Variants in ADGRL3 observed in about 807,000 individuals in gnomAD.
ADGRL3 encodes calcium-independent alpha-latrotoxin receptor 3.
In ADGRL3, 62 loss-of-function variants were observed where a neutral mutation model predicts 153.5. The observed-to-expected ratio is 0.40, with a 90% CI of 0.33 to 0.50. ADGRL3 has a LOEUF of 0.50. Among genes scored for constraint, ADGRL3 ranks in the 20% least tolerant of loss-of-function variants. The probability of loss-of-function intolerance (pLI) is 0.47; values close to 1 mark genes in which losing one functional copy is unlikely to be tolerated. For missense variants in ADGRL3, 1,641 were observed against 1,859.4 expected, an observed-to-expected ratio of 0.88 and a Z score of 2.16; for synonymous variants, 710 against 672.5, an observed-to-expected ratio of 1.06 and a Z score of -0.86.
intron 25 of ADGRL3, chr4:62,063,454 C>A: frequency 1.6e-6 from 1 of 627,714 alleles, no homozygotes; most frequent in Non-Finnish European, 2.9e-6. Flanking sequence ...AACACATTTG[C>A]CTGATTGACC....
At chr4:61,737,413 T>C (rs181055451) in intron 8 of ADGRL3, among the ~76,000 whole-genome samples, 39 of 152,298 alleles carry the variant, frequency 2.6e-4, no homozygotes, top group Admixed American at 2.5e-3. Context: ...AAAGATCCTC[T>C]GGTGACACTT....
At chr4:61,846,948 ATG>A (rs72301670) in intron 9 of ADGRL3, among the ~76,000 whole-genome samples, 42,842 of 145,662 alleles carry the variant, frequency 0.29, 6,423 homozygotes, top group Non-Finnish European at 0.36. Context: ...TTTATATATT[ATG>A]TGTGTGTGTG....
chr4:61,919,369 T>C (rs1490294262), intron 13 of ADGRL3, among the ~76,000 whole-genome samples: 1 of 152,184 alleles, frequency 6.6e-6, no homozygotes. Flanking sequence ...GAACTTAATA[T>C]ATTTCACAGC....
chr4:62,020,387 A>G (rs944594180), intron 21 of ADGRL3, among the ~76,000 whole-genome samples: 1 of 152,126 alleles, frequency 6.6e-6, no homozygotes, highest in Admixed American at 6.6e-5. Flanking sequence ...TCAGCCCCAC[A>G]GTTATAGGTT....
At chr4:61,959,257 T>C (rs2098979061) in intron 17 of ADGRL3, among the ~76,000 whole-genome samples, 1 of 152,196 alleles carries the variant, frequency 6.6e-6, no homozygotes, top group South Asian at 2.1e-4. Flanking sequence ...TACTGTGGTT[T>C]TGTAGAGCAC....
At chr4:61,661,749 T>G in intron 5 of ADGRL3, among the ~76,000 whole-genome samples, 1 of 152,180 alleles carries the variant, frequency 6.6e-6, no homozygotes, top group East Asian at 1.9e-4. Context: ...TCATACTTTA[T>G]ATTTCATATT....
intron 1 of ADGRL3, among the ~76,000 whole-genome samples, chr4:61,285,622 C>A (rs1376928766): frequency 6.6e-6 from 1 of 151,846 alleles, no homozygotes; most frequent in Non-Finnish European, 1.5e-5. Flanking sequence ...CATGTGTATT[C>A]TAACCTCACT....
intron 15 of ADGRL3, among the ~76,000 whole-genome samples, chr4:61,945,641 C>T (rs2150276446): frequency 1.4e-5 from 2 of 140,304 alleles, no homozygotes; most frequent in Admixed American, 1.5e-4. Flanking sequence ...TCTCGTGGTG[C>T]GCCGTTTCTT....
At chr4:61,623,272 T>C (rs891863196) in intron 5 of ADGRL3, among the ~76,000 whole-genome samples, 1 of 152,108 alleles carries the variant, frequency 6.6e-6, no homozygotes, top group Non-Finnish European at 1.5e-5. Context: ...CCGTACACAC[T>C]GTCCTGATAA....
At position 61,844,575 on chromosome 4, in the gene ADGRL3, A is replaced by AATATATATATATAT. The variant is rs57750929; in HGVS notation, c.1480+30695_1480+30708dup. ...AAAAAAAAAAAAAAAAAAAAAAAAA[A>AATATATATATATAT]ATATATATATATATATATATATTTA... On this transcript the variant is annotated intron_variant, in intron 9 of 26. Coordinates refer to ENST00000683033, the MANE Select transcript of ADGRL3 (RefSeq NM_001387552.1). 7.2e-3 allele frequency among the ~76,000 whole-genome samples: 131 copies of AATATATATATATAT among 18,084 alleles called. 5 individuals are homozygous for AATATATATATATAT. The highest frequency in any genetic ancestry group is 0.039 in the East Asian group (11 of 280). 11.9% of individuals were successfully genotyped at this position (18,084 alleles called of 152,430 possible).
chr4:61,763,446 G>A (rs1225206902), intron 8 of ADGRL3, among the ~76,000 whole-genome samples: 1 of 151,734 alleles, frequency 6.6e-6, no homozygotes, highest in Non-Finnish European at 1.5e-5. Flanking sequence ...AGCCCTCAAA[G>A]TAAGCAACAT....
At chr4:61,226,346 G>T (rs1747960089) in intron 1 of ADGRL3, among the ~76,000 whole-genome samples, 1 of 152,098 alleles carries the variant, frequency 6.6e-6, no homozygotes, top group African/African-American at 2.4e-5. Flanking sequence ...TTTAGGATTT[G>T]TAACAGCAAA....
At chr4:61,867,540 A>ATATATAT (rs201200813) in intron 9 of ADGRL3, among the ~76,000 whole-genome samples, 12 of 132,092 alleles carry the variant, frequency 9.1e-5, no homozygotes, top group Non-Finnish European at 1.3e-4. Flanking sequence ...ATATATATAT[A>ATATATAT]ATTGTAGGAG....
chr4:62,055,755 G>A (rs1452751988), intron 25 of ADGRL3, among the ~76,000 whole-genome samples: 1 of 151,310 alleles, frequency 6.6e-6, no homozygotes, highest in Non-Finnish European at 1.5e-5. Context: ...ACTAATCATT[G>A]TTTGTACTTT....
chr4:61,755,406 A>G (rs981783603), intron 8 of ADGRL3, among the ~76,000 whole-genome samples: 2 of 152,236 alleles, frequency 1.3e-5, no homozygotes, highest in Admixed American at 6.5e-5. Flanking sequence ...TTTCGGCTAC[A>G]TAAATGTCTT....
chr4:61,788,077 G>A (rs2097298421), intron 8 of ADGRL3, among the ~76,000 whole-genome samples: 1 of 152,104 alleles, frequency 6.6e-6, no homozygotes, highest in East Asian at 1.9e-4. Context: ...TTGCAATTGG[G>A]AATTGTGCTG....
At chr4:61,666,721 A>G (rs2094811277) in intron 5 of ADGRL3, among the ~76,000 whole-genome samples, 1 of 152,272 alleles carries the variant, frequency 6.6e-6, no homozygotes, top group South Asian at 2.1e-4. Flanking sequence ...GCTCCCTTAT[A>G]TTAGGTGAAA....
chr4:61,470,294 A>T (rs1039457205), intron 2 of ADGRL3, among the ~76,000 whole-genome samples: 1 of 151,858 alleles, frequency 6.6e-6, no homozygotes, highest in African/African-American at 2.4e-5. Context: ...AAATGCCTTG[A>T]CTCATTCCAG....
chr4:61,690,177 G>A (rs2095514299), intron 6 of ADGRL3, among the ~76,000 whole-genome samples: 1 of 152,112 alleles, frequency 6.6e-6, no homozygotes, highest in South Asian at 2.1e-4. Context: ...AGACAAAGTG[G>A]CTCACACCTA....
Sources: allele counts gnomAD v4.1 joint callset (sites outside exome capture counted in the v4.1 genomes callset), GRCh38; gene constraint gnomAD v4.1.1; transcripts MANE v1.5; gene names NCBI Gene and HGNC (gene_info 2026-07-23, HGNC 2026-07-21).